Variants in GLT1D1 observed in about 807,000 individuals in gnomAD.
The protein encoded by GLT1D1 is glycosyltransferase 1 domain-containing protein 1.
A neutral mutation model predicts 28.7 loss-of-function variants in GLT1D1; 21 were observed. The ratio of observed to expected loss-of-function variants is 0.73; its 90% CI spans 0.52 to 1.05. The LOEUF (loss-of-function observed/expected upper bound fraction) is 1.05. Among genes scored for constraint, GLT1D1 ranks in the 50% least tolerant of loss-of-function variants. The probability of loss-of-function intolerance (pLI) is 0.00; values close to 1 mark genes in which losing one functional copy is unlikely to be tolerated. For missense variants in GLT1D1, 343 were observed against 330.6 expected (o/e 1.04, Z -0.29); for synonymous variants, 147 against 124.8 (o/e 1.18, Z -1.19).
chr12:128,910,609 G>A (rs886602226), intron 4 of GLT1D1, among the ~76,000 whole-genome samples: 2 of 151,174 alleles, frequency 1.3e-5, no homozygotes, highest in African/African-American at 4.9e-5. Flanking sequence ...GCTTTCCAGG[G>A]AAATTATAAT....
intron 5 of GLT1D1, among the ~76,000 whole-genome samples, chr12:128,946,248 C>A (rs1169667477): frequency 1.3e-5 from 2 of 152,172 alleles, no homozygotes; most frequent in African/African-American, 4.8e-5. Flanking sequence ...AAAAATAGAA[C>A]AAGGCAAAAT....
Position 128,945,336 on chromosome 12 carries a change from T to C in GLT1D1, c.386T>C (p.Val129Ala). 1.2e-6 allele frequency: 2 copies of C among 1,614,110 alleles called. No individual in the cohort carries two copies. Among genetic ancestry groups the C allele is most frequent in the Non-Finnish European group, 1.7e-6 (2 of 1,179,938 alleles). ...TTTGTCTCTTTTCAGGTCGATCCAG[T>C]GTTTACAAGGGAAGTGAAAGCCAAA... is the stretch of plus-strand genomic sequence containing the variant. Residue 129 changes from valine (V) to alanine (A), a missense_variant, in exon 5 of 8, where the codon GTG becomes GCG. Physicochemically the swap from Val to Ala is moderately conservative, Grantham distance 64. Coordinates refer to ENST00000281703, the MANE Select transcript of GLT1D1 (RefSeq NM_144669.3).
At chr12:128,935,822 G>A (rs1342286073) in intron 4 of GLT1D1, among the ~76,000 whole-genome samples, 2 of 152,086 alleles carry the variant, frequency 1.3e-5, no homozygotes, top group African/African-American at 4.8e-5. Flanking sequence ...TTCTTAGCAA[G>A]AACTTTTTAA....
chr12:128,889,244 A>T (rs1868753041), intron 3 of GLT1D1, among the ~76,000 whole-genome samples: 1 of 152,170 alleles, frequency 6.6e-6, no homozygotes. Flanking sequence ...CAAGTAGACT[A>T]TCTTTGGCAT....
intron 4 of GLT1D1, chr12:128,926,430 C>G: frequency 1.0e-5 from 16 of 1,527,964 alleles, no homozygotes; most frequent in Non-Finnish European, 1.4e-5. Flanking sequence ...TAAGGATCCT[C>G]TCTATCTGGT....
intron 4 of GLT1D1, among the ~76,000 whole-genome samples, chr12:128,931,917 G>GCACACACACACACACACACA (rs372135029): frequency 4.3e-4 from 61 of 141,104 alleles, no homozygotes; most frequent in African/African-American, 1.6e-3. Context: ...ACACACGCAC[G>GCACACACACACACACACACA]CACACACACA....
At chr12:128,942,600 TA>T (rs1875414511) in intron 4 of GLT1D1, among the ~76,000 whole-genome samples, 2 of 151,814 alleles carry the variant, frequency 1.3e-5, no homozygotes, top group African/African-American at 4.8e-5. Context: ...AAGTAAAGAG[TA>T]AATACGCCAT....
chr12:128,906,363 T>C (rs1448169667), intron 4 of GLT1D1, among the ~76,000 whole-genome samples: 1 of 152,082 alleles, frequency 6.6e-6, no homozygotes, highest in Non-Finnish European at 1.5e-5. Context: ...CACCAGAAAA[T>C]GTAAAAATTT....
chr12:128,884,740 G>A (rs746212625), intron 2 of GLT1D1, among the ~76,000 whole-genome samples: 3 of 152,012 alleles, frequency 2.0e-5, no homozygotes, highest in Non-Finnish European at 2.9e-5. Flanking sequence ...CTTGAACCTG[G>A]GATGCGGAGG....
At chr12:128,974,564 C>T (rs1041420415) in intron 7 of GLT1D1, among the ~76,000 whole-genome samples, 1 of 152,174 alleles carries the variant, frequency 6.6e-6, no homozygotes, top group Non-Finnish European at 1.5e-5. Flanking sequence ...TACTGTCTCA[C>T]CATCCATAAG....
chr12:128,954,748 C>T (rs1877098640), intron 6 of GLT1D1, among the ~76,000 whole-genome samples: 1 of 152,150 alleles, frequency 6.6e-6, no homozygotes, highest in Non-Finnish European at 1.5e-5. Context: ...CCAGGAGTTT[C>T]AGATGAGTGT....
chr12:128,920,005 CTCTCTA>C (rs1872524089), intron 4 of GLT1D1, among the ~76,000 whole-genome samples: 9 of 141,930 alleles, frequency 6.3e-5, no homozygotes, highest in South Asian at 2.2e-4. Flanking sequence ...CTCCATCTCT[CTCTCTA>C]TCTCTCTGTC....
intron 4 of GLT1D1, among the ~76,000 whole-genome samples, chr12:128,917,723 T>G (rs2135897120): frequency 6.6e-6 from 1 of 152,306 alleles, no homozygotes; most frequent in South Asian, 2.1e-4. Context: ...ATGAAAAAAG[T>G]TCATCATCCA....
intron 7 of GLT1D1, among the ~76,000 whole-genome samples, chr12:128,977,832 G>A (rs1030794664): frequency 1.4e-5 from 2 of 145,908 alleles, no homozygotes; most frequent in African/African-American, 5.1e-5. Flanking sequence ...AGGCTGGGGT[G>A]CAATGAATGG....
chr12:128,889,679 C>A (rs1283649755), intron 3 of GLT1D1, among the ~76,000 whole-genome samples: 1 of 152,256 alleles, frequency 6.6e-6, no homozygotes, highest in Non-Finnish European at 1.5e-5. Context: ...AGCCCCCGCA[C>A]TGTCCCCCAG....
At chr12:128,981,611 TAAC>T (rs746640297) in intron 7 of GLT1D1, among the ~76,000 whole-genome samples, 1 of 152,368 alleles carries the variant, frequency 6.6e-6, no homozygotes, top group South Asian at 2.1e-4. Flanking sequence ...AACATTTAAT[TAAC>T]AATAATTTTG....
At chr12:128,882,433 T>G (rs1168832345) in intron 2 of GLT1D1, among the ~76,000 whole-genome samples, 1 of 151,744 alleles carries the variant, frequency 6.6e-6, no homozygotes, top group Non-Finnish European at 1.5e-5. Flanking sequence ...CCCACCACCA[T>G]GCCCTGCTAA....
chr12:128,883,327 C>T (rs1383223266), intron 2 of GLT1D1, among the ~76,000 whole-genome samples: 1 of 151,216 alleles, frequency 6.6e-6, no homozygotes, highest in Non-Finnish European at 1.5e-5. Context: ...CGTAGTGGCT[C>T]ATGCTTGTAA....
At chr12:128,902,486 CA>C (rs34061462) in intron 4 of GLT1D1, among the ~76,000 whole-genome samples, 115 of 131,352 alleles carry the variant, frequency 8.8e-4, no homozygotes, top group Middle Eastern at 3.8e-3. Context: ...AATTCTGTCT[CA>C]AAAAAAAAAA....
Sources: gnomAD v4.1 joint callset for allele counts (sites outside exome capture counted in the v4.1 genomes callset) on GRCh38, gnomAD v4.1.1 for gene constraint, MANE v1.5 for transcripts, NCBI Gene and HGNC (gene_info 2026-07-23, HGNC 2026-07-21) for gene names.